Variants in EIF2AK1 observed in about 807,000 individuals in gnomAD.
EIF2AK1 encodes eukaryotic translation initiation factor 2 alpha kinase 1.
In EIF2AK1, 54 loss-of-function variants were observed where a neutral mutation model predicts 77.9. The observed-to-expected ratio is 0.69, with a 90% CI of 0.56 to 0.87. EIF2AK1 has a LOEUF of 0.87. Among genes scored for constraint, EIF2AK1 ranks in the 40% least tolerant of loss-of-function variants. The pLI, the probability that EIF2AK1 is intolerant of heterozygous loss-of-function variation, is 0.00. For synonymous variants in EIF2AK1, 314 were observed against 290.5 expected (o/e 1.08, Z -0.82); for missense variants, 810 against 768.6 (o/e 1.05, Z -0.64).
At chr7:6,058,853 G>C in intron 1 of EIF2AK1, 113 bp downstream of exon 1, 1 of 954,296 alleles carries the variant, frequency 1.0e-6, no homozygotes, top group Non-Finnish European at 1.5e-6. Context: ...TTCAACCCTG[G>C]AGGCAGCCAA....
rs752415746 is a variant in EIF2AK1, at chr7:6,049,997, C to T, written c.326G>A (p.Cys109Tyr). ...TCTCAATGAGCTAAACTCGTCACTA[C>T]AAGTGAAAGAAGACAGCAGCCCCAT... is the stretch of plus-strand genomic sequence containing the variant. ...IKMGLLSSFT[C>Y]SDEFSSLRLH... Residue 109 changes from cysteine to tyrosine, a missense_variant, in exon 3 of 15, where the codon TGT (cysteine) becomes TAT (tyrosine). This residue lies in a region of EIF2AK1 where 246 missense variants were observed against 199.0 expected (regional missense o/e 1.24). Transcript: ENST00000199389. 3 of 1,612,918 alleles carry T rather than the reference C, an allele frequency of 1.9e-6. No homozygotes were observed. The highest frequency in any genetic ancestry group is 2.2e-5 in the East Asian group (1 of 44,838).
At chr7:6,045,989 A>G (rs1788435053) in intron 6 of EIF2AK1, 82 bp downstream of exon 6, 1 of 879,064 alleles carries the variant, frequency 1.1e-6, no homozygotes, top group East Asian at 3.1e-5. Flanking sequence ...CTTTTGCCAA[A>G]TATACACATA....
Position 6,023,753 on chromosome 7 carries a change from T to C in EIF2AK1, c.*920A>G. 4 of 1,612,392 alleles carry C rather than the reference T, an allele frequency of 2.5e-6. No homozygotes were observed. The highest frequency in any genetic ancestry group is 3.4e-6 in the Non-Finnish European group (4 of 1,179,050). ...GAATGGTGCTCTTTCATGCCTATTA[T>C]CAGTAAGGGGACTTGTATTAGAGTC... On this transcript the variant is annotated 3_prime_UTR_variant, in exon 15 of 15. Transcript: ENST00000199389.
At position 6,050,027 on chromosome 7, in the gene EIF2AK1, A is replaced by T; in HGVS notation, c.296T>A (p.Ile99Asn). The T allele has an allele frequency of 6.2e-7, 1 of 1,608,680 alleles. No homozygotes were observed. The highest frequency in any genetic ancestry group is 8.5e-7 in the Non-Finnish European group (1 of 1,178,584). Residue 99 changes from isoleucine to asparagine, a missense_variant, in exon 3 of 15, where the codon ATC becomes AAC. Coordinates refer to ENST00000199389, the MANE Select transcript of EIF2AK1 (RefSeq NM_014413.4). ...GAAAGAAGACAGCAGCCCCATTTTG[A>T]TAAACGTCTGGCAAAGTACTATAAA... Reference protein sequence around the residue: ...QVFKLLCQTFIKMGLLSSFTC... With the variant: ...QVFKLLCQTFNKMGLLSSFTC...
At position 6,037,364 on chromosome 7, in the gene EIF2AK1, T is replaced by A; in HGVS notation, c.1332+60A>T. On this transcript the variant is annotated intron_variant, in intron 11 of 14. Coordinates refer to ENST00000199389, the MANE Select transcript of EIF2AK1 (RefSeq NM_014413.4). ...TCTTATTTAGTTTAATCAACCAACA[T>A]CAAGTCGTCCCTGATACAAAGCTCC... The A allele has an allele frequency of 2.7e-6, 3 of 1,094,194 alleles. No homozygotes were observed. The South Asian group carries it at 3.9e-5, about 14-fold the overall frequency. The allele number at this position is 1,094,194 out of a possible 1,614,324, so 67.8% of individuals were successfully genotyped here.
At position 6,027,570 on chromosome 7, in the gene EIF2AK1, A is replaced by G. The variant is rs1267670266; in HGVS notation, c.1531-609T>C. Among the ~76,000 whole-genome samples the G allele has an allele frequency of 6.6e-6, 1 of 152,148 alleles. No individual in the cohort carries two copies. The highest frequency in any genetic ancestry group is 1.5e-5 in the Non-Finnish European group (1 of 68,018). Reference sequence around the variant, plus strand: ...CCTGTTGTTTTGAAAAATGGATTTTAGCATTTCTTCCAGGAACAAGGGAGA... The same window carrying G: ...CCTGTTGTTTTGAAAAATGGATTTTGGCATTTCTTCCAGGAACAAGGGAGA... On this transcript the variant is annotated intron_variant, in intron 13 of 14. Coordinates refer to ENST00000199389, the MANE Select transcript of EIF2AK1 (RefSeq NM_014413.4). The surrounding 1 kb of genome is among the most constrained non-coding windows in gnomAD (Gnocchi z 4.5).
intron 11 of EIF2AK1, chr7:6,031,699 A>T: frequency 9.3e-7 from 1 of 1,073,288 alleles, no homozygotes; most frequent in Non-Finnish European, 1.4e-6. Context: ...TATGAGAATG[A>T]GACACGACTC....
rs1788701879 is a variant in EIF2AK1 at position 6,054,680 on chromosome 7, T to C, written c.143A>G (p.Gln48Arg). The C allele has an allele frequency of 6.2e-7, 1 of 1,613,896 alleles. No individual in the cohort carries two copies. Reference protein sequence around the residue: ...YDESDVPAEIQVLKEPLQQPT... With the variant: ...YDESDVPAEIRVLKEPLQQPT... ...CTGTTGTAGGGGTTCTTTTAACACC[T>C]GGATTTCTGCTGGAACATCAGATTC... The change falls in exon 2 of 15, where the codon CAG (glutamine) becomes CGG (arginine). Residue 48 changes from glutamine to arginine, a missense_variant. By Grantham distance (43) the Gln-to-Arg change is conservative. This residue lies in a region of EIF2AK1 where 246 missense variants were observed against 199.0 expected (regional missense o/e 1.24). Transcript: ENST00000199389.
chr7:6,054,132 A>G (rs1788684681), intron 2 of EIF2AK1, among the ~76,000 whole-genome samples: 1 of 151,936 alleles, frequency 6.6e-6, no homozygotes, highest in African/African-American at 2.4e-5. Context: ...ATTCTACTCT[A>G]TCTCCATTAG....
chr7:6,036,401 G>T lies in EIF2AK1; in HGVS notation c.1332+1023C>A. 6.9e-7 allele frequency: 1 copy of T among 1,441,470 alleles called. No individual in the cohort carries two copies. The highest frequency in any genetic ancestry group is 9.1e-7 in the Non-Finnish European group (1 of 1,098,650). The allele number at this position is 1,441,470 out of a possible 1,614,324, so 89.3% of individuals were successfully genotyped here. A position where few individuals can be genotyped will look rare whatever the true frequency, so the allele number is the denominator to read the frequency against. Reference sequence around the variant, plus strand: ...ATACCTCTTGAAATAAGACCTCCCAGTTTCACAGCAGAGGGACTTTCAGCC... The same window carrying T: ...ATACCTCTTGAAATAAGACCTCCCATTTTCACAGCAGAGGGACTTTCAGCC... On this transcript the variant is annotated intron_variant, in intron 11 of 14. Coordinates refer to ENST00000199389, the MANE Select transcript of EIF2AK1 (RefSeq NM_014413.4). This position sits in a 1 kb window ranked among gnomAD's most constrained non-coding sequence, Gnocchi z 4.6.
chr7:6,024,504 A>G lies in EIF2AK1; in HGVS notation c.*169T>C. On this transcript the variant is annotated 3_prime_UTR_variant, in exon 15 of 15. Transcript: ENST00000199389. ...AATATTTAGGTAGGAAATTCAGGAA[A>G]AGGAGCTTGTGGGGCAGGAAGGGAA... 7.0e-7 allele frequency: 1 copy of G among 1,428,494 alleles called. No homozygotes were observed. The allele number at this position is 1,428,494 out of a possible 1,614,324, so 88.5% of individuals were successfully genotyped here.
Position 6,059,161 on chromosome 7 carries a change from G to T in EIF2AK1, c.-78C>A. The stretch of plus-strand genomic sequence containing the variant: ...ACACTCCGATGCTGCAGCTAGCGCC[G>T]TCCGACCCGGAAGTAACCCCTCACC... On this transcript the variant is annotated 5_prime_UTR_variant, in exon 1 of 15. Coordinates refer to ENST00000199389, the MANE Select transcript of EIF2AK1 (RefSeq NM_014413.4). The T allele has an allele frequency of 2.0e-6, 2 of 1,022,862 alleles. No homozygotes were observed. The highest frequency in any genetic ancestry group is 2.6e-6 in the Non-Finnish European group (2 of 767,468). The allele number at this position is 1,022,862 out of a possible 1,614,324, so 63.4% of individuals were successfully genotyped here.
intron 4 of EIF2AK1, 94 bp downstream of exon 4, chr7:6,048,713 C>G: frequency 9.7e-7 from 1 of 1,030,330 alleles, no homozygotes; most frequent in Non-Finnish European, 1.4e-6. Flanking sequence ...ATAAATAATA[C>G]TAACAATATT....
intron 5 of EIF2AK1, chr7:6,046,673 G>A (rs1788452061): frequency 5.0e-6 from 1 of 198,418 alleles, no homozygotes; most frequent in Non-Finnish European, 1.0e-5. Context: ...GAAGGCCGAG[G>A]TGGGTGGATC....
At position 6,024,332 on chromosome 7, in the gene EIF2AK1, C is replaced by A. The variant is rs527830106; in HGVS notation, c.*341G>T. The A allele has an allele frequency of 6.5e-5, 80 of 1,222,938 alleles. 1 individual carries two copies. Among genetic ancestry groups the A allele is most frequent in the Non-Finnish European group, 8.0e-5 (77 of 966,966 alleles). 75.8% of individuals were successfully genotyped at this position (1,222,938 alleles called of 1,614,324 possible). ...TCCAGTGAGTATGTGCAGGCCCGGG[C>A]TTGGGCAGTGACGAGGGCAGGGAGC... is the stretch of plus-strand genomic sequence containing the variant. On this transcript the variant is annotated 3_prime_UTR_variant, in exon 15 of 15. Coordinates refer to ENST00000199389, the MANE Select transcript of EIF2AK1 (RefSeq NM_014413.4).
At chr7:6,056,082 C>T (rs1788750216) in intron 1 of EIF2AK1, among the ~76,000 whole-genome samples, 1 of 148,762 alleles carries the variant, frequency 6.7e-6, no homozygotes, top group Non-Finnish European at 1.5e-5. Flanking sequence ...CACCTGAGGT[C>T]AGGAGCTCAG....
chr7:6,034,735 A>T (rs80078608), intron 11 of EIF2AK1, among the ~76,000 whole-genome samples: 6 of 152,178 alleles, frequency 3.9e-5, no homozygotes, highest in African/African-American at 1.4e-4. Context: ...TTACATAATA[A>T]ACCTTCCTTT....
chr7:6,049,821 A>C (rs1168388203), intron 3 of EIF2AK1, 91 bp downstream of exon 3: 4 of 1,320,022 alleles, frequency 3.0e-6, no homozygotes, highest in Non-Finnish European at 4.2e-6. Context: ...AACTTGTTTT[A>C]TAATCAGAAT....
At position 6,024,069 on chromosome 7, in the gene EIF2AK1, C is replaced by A; in HGVS notation, c.*604G>T. On this transcript the variant is annotated 3_prime_UTR_variant, in exon 15 of 15. Transcript: ENST00000199389. ...AGCTGCCTGGAGATCATCTGGGGTGCGGAGTACAAAGCTTTGCAAGGGTGT... is the reference window on the plus strand; with the variant it reads ...AGCTGCCTGGAGATCATCTGGGGTGAGGAGTACAAAGCTTTGCAAGGGTGT... The A allele has an allele frequency of 7.7e-7, 1 of 1,304,440 alleles. No homozygotes were observed. The highest frequency in any genetic ancestry group is 1.0e-6 in the Non-Finnish European group (1 of 999,678). 80.8% of individuals were successfully genotyped at this position (1,304,440 alleles called of 1,614,324 possible). A position where few individuals can be genotyped will look rare whatever the true frequency, so the allele number is the denominator to read the frequency against.
Sources: allele counts gnomAD v4.1 joint callset (sites outside exome capture counted in the v4.1 genomes callset), GRCh38; gene constraint gnomAD v4.1.1; regional missense constraint gnomAD v4.1.1; non-coding constraint Gnocchi (gnomAD v3.1); transcripts MANE v1.5; gene names NCBI Gene and HGNC (gene_info 2026-07-23, HGNC 2026-07-21).